The following PAX5 variants were observed in gnomAD, a reference collection of about 807,000 sequenced individuals.
The protein encoded by PAX5 is paired box protein Pax-5.
Under a neutral mutation model 43.7 loss-of-function variants are expected in PAX5, and 9 were observed. The ratio of observed to expected loss-of-function variants is 0.21; its 90% CI spans 0.12 to 0.36. The LOEUF is 0.36. Ranked by LOEUF, PAX5 falls within the 10% of genes least tolerant of loss-of-function variation. The probability of loss-of-function intolerance (pLI) is 1.00; values close to 1 mark genes in which losing one functional copy is unlikely to be tolerated. For synonymous variants in PAX5, 228 were observed against 214.3 expected (o/e 1.06, Z -0.56); for missense variants, 383 against 532.7 (o/e 0.72, Z 2.77).
rs1423033051 is a variant in PAX5 at position 36,834,085 on chromosome 9, G to C, written c.*6475C>G. 3 of 233,286 alleles carry C rather than the reference G, an allele frequency of 1.3e-5. No homozygotes were observed. The East Asian group carries it at 1.8e-4, about 14-fold the overall frequency. The allele number at this position is 233,286 out of a possible 1,614,324, so 14.5% of individuals were successfully genotyped here. On this transcript the variant is annotated 3_prime_UTR_variant, in exon 10 of 10. Transcript: ENST00000358127. ...AAATACTCAATGTCCAAGGCCACTA[G>C]AGGGTGAAAAACCAGGGCAGCGTCT...
chr9:36,995,792 T>C (rs369830061), intron 5 of PAX5, among the ~76,000 whole-genome samples: 55 of 152,200 alleles, frequency 3.6e-4, no homozygotes, highest in African/African-American at 1.3e-3. Flanking sequence ...TCCAGGCTGG[T>C]GGCCCCAACA....
chr9:36,966,582 G>T lies in PAX5; in HGVS notation c.747C>A (p.Ile249=), dbSNP rs867657248. 1 of 1,614,200 alleles carries T rather than the reference G, an allele frequency of 6.2e-7. No individual in the cohort carries two copies. Among genetic ancestry groups the T allele is most frequent in the Non-Finnish European group, 8.5e-7 (1 of 1,180,022 alleles). Residue 249 remains isoleucine, a synonymous_variant, in exon 6 of 10, where the codon ATC becomes ATA. Coordinates refer to ENST00000358127, the MANE Select transcript of PAX5 (RefSeq NM_016734.3). The part of the protein sequence containing the change: ...RVFERQHYSD[I]FTTTEPIKPE... ...GCTTGATGGGCTCTGTGGTGGTGAAGATGTCTGAGTAGTGCTGCCTCTCAA... is the reference window on the plus strand; with the variant it reads ...GCTTGATGGGCTCTGTGGTGGTGAATATGTCTGAGTAGTGCTGCCTCTCAA...
At chr9:36,966,851 G>A in intron 5 of PAX5, 127 bp from the exon 6 acceptor site, 2 of 799,366 alleles carry the variant, frequency 2.5e-6, no homozygotes, top group Non-Finnish European at 2.0e-6. Context: ...GAATACACCA[G>A]CAGGGGCTCA....
intron 6 of PAX5, among the ~76,000 whole-genome samples, chr9:36,963,494 C>T (rs191685897): frequency 2.8e-4 from 42 of 152,320 alleles, no homozygotes; most frequent in African/African-American, 9.1e-4. Context: ...TCTTGTCCTG[C>T]GGGCTCTGAG....
intron 5 of PAX5, among the ~76,000 whole-genome samples, chr9:36,983,616 AT>A (rs569854878): frequency 2.6e-5 from 4 of 152,020 alleles, no homozygotes; most frequent in African/African-American, 2.4e-5. Flanking sequence ...GATTGATATG[AT>A]TTTTTTTCAC....
chr9:37,026,894 G>A (rs961527709), intron 1 of PAX5, among the ~76,000 whole-genome samples: 1 of 152,208 alleles, frequency 6.6e-6, no homozygotes, highest in Non-Finnish European at 1.5e-5. Flanking sequence ...CCGCGGCTTC[G>A]GGGGCATAGC....
intron 8 of PAX5, among the ~76,000 whole-genome samples, chr9:36,868,065 A>C (rs946825324): frequency 5.9e-5 from 9 of 152,206 alleles, no homozygotes; most frequent in Non-Finnish European, 1.3e-4. Flanking sequence ...AAGTCCCCCG[A>C]GAGGGGAAGG....
chr9:36,952,234 C>CTTTTTTTTTTTTTTTTTTTTTTTTTT lies in PAX5; in HGVS notation c.780+14314_780+14315insAAAAAAAAAAAAAAAAAAAAAAAAAA, dbSNP rs138009049. Among the ~76,000 whole-genome samples, 5 of 66,626 alleles carry CTTTTTTTTTTTTTTTTTTTTTTTTTT rather than the reference C, an allele frequency of 7.5e-5. 2 individuals are homozygous for CTTTTTTTTTTTTTTTTTTTTTTTTTT. Among genetic ancestry groups the CTTTTTTTTTTTTTTTTTTTTTTTTTT allele is most frequent in the South Asian group, 7.2e-4 (1 of 1,382 alleles). 43.7% of individuals were successfully genotyped at this position (66,626 alleles called of 152,430 possible). A position where few individuals can be genotyped will look rare whatever the true frequency, so the allele number is the denominator to read the frequency against. ...TTTTTAATATGCTCTGACCATCTCC[C>CTTTTTTTTTTTTTTTTTTTTTTTTTT]TTTTTTTTTTTTTTTTTTTTTTTGA... On this transcript the variant is annotated intron_variant, in intron 6 of 9. Transcript: ENST00000358127.
Position 37,002,838 on chromosome 9 carries a change from A to C in PAX5, c.476-62T>G. The stretch of plus-strand genomic sequence containing the variant: ...GGCTGAGGGCGGCGGACCGGCTGTC[A>C]CCGCACGTGAGGCTGGGGGCGGCTG... On this transcript the variant is annotated intron_variant, in intron 4 of 9. Transcript: ENST00000358127. 1.9e-6 allele frequency: 3 copies of C among 1,540,064 alleles called. No homozygotes were observed. In the South Asian group the frequency reaches 3.6e-5, roughly 19 times the overall value.
At chr9:37,012,524 G>C (rs553595783) in intron 3 of PAX5, among the ~76,000 whole-genome samples, 1 of 152,294 alleles carries the variant, frequency 6.6e-6, no homozygotes, top group East Asian at 1.9e-4. Context: ...GCTAGCCATG[G>C]CCCTACAGAC....
chr9:36,905,167 A>G (rs994434189), intron 7 of PAX5, among the ~76,000 whole-genome samples: 1 of 152,198 alleles, frequency 6.6e-6, no homozygotes, highest in Non-Finnish European at 1.5e-5. Context: ...GTGTTGTGAG[A>G]TCCTTTCACA....
chr9:37,014,778 T>C (rs1839252815), intron 3 of PAX5, among the ~76,000 whole-genome samples: 1 of 152,144 alleles, frequency 6.6e-6, no homozygotes, highest in Non-Finnish European at 1.5e-5. Context: ...GGTGTTGGCA[T>C]GCTCCCCTCT....
chr9:37,032,660 T>C (rs2132581410), intron 1 of PAX5, among the ~76,000 whole-genome samples: 1 of 152,326 alleles, frequency 6.6e-6, no homozygotes, highest in South Asian at 2.1e-4. Flanking sequence ...ATGGGGGTTC[T>C]CAGAGGGCAC....
At chr9:36,945,692 A>T (rs1481577223) in intron 6 of PAX5, among the ~76,000 whole-genome samples, 1 of 152,234 alleles carries the variant, frequency 6.6e-6, no homozygotes, top group Non-Finnish European at 1.5e-5. Context: ...TTTCTGGCAA[A>T]TTGGATCAGC....
chr9:36,919,384 C>T (rs987230767), intron 7 of PAX5, among the ~76,000 whole-genome samples: 5 of 152,180 alleles, frequency 3.3e-5, no homozygotes, highest in African/African-American at 1.2e-4. Flanking sequence ...ACACCCATTC[C>T]GTGGCCTGTG....
intron 7 of PAX5, among the ~76,000 whole-genome samples, chr9:36,901,159 G>A (rs138800434): frequency 1.6e-4 from 24 of 152,062 alleles, no homozygotes; most frequent in Admixed American, 3.9e-4. Flanking sequence ...CTGGAGAGTC[G>A]ACTCTCCTCA....
At chr9:37,027,731 C>G (rs1413874415) in intron 1 of PAX5, among the ~76,000 whole-genome samples, 3 of 152,236 alleles carry the variant, frequency 2.0e-5, no homozygotes, top group South Asian at 4.1e-4. Flanking sequence ...CAGCTCCCTC[C>G]GGGCGGGGGC....
intron 7 of PAX5, among the ~76,000 whole-genome samples, chr9:36,916,909 T>C (rs1400152492): frequency 6.6e-6 from 1 of 152,126 alleles, no homozygotes; most frequent in Non-Finnish European, 1.5e-5. Flanking sequence ...GATCTCAAAC[T>C]CCTGACCTCA....
intron 5 of PAX5, among the ~76,000 whole-genome samples, chr9:36,969,622 G>A (rs1834768309): frequency 6.6e-6 from 1 of 152,262 alleles, no homozygotes; most frequent in African/African-American, 2.4e-5. Flanking sequence ...CTCCCCAGAA[G>A]CAGACTGGCT....
Sources: gnomAD v4.1 joint callset for allele counts (sites outside exome capture counted in the v4.1 genomes callset) on GRCh38, gnomAD v4.1.1 for gene constraint, MANE v1.5 for transcripts, NCBI Gene and HGNC (gene_info 2026-07-23, HGNC 2026-07-21) for gene names.